The following CASK variants were observed in gnomAD, a reference collection of about 807,000 sequenced individuals.
CASK encodes the protein calcium/calmodulin dependent serine protein kinase.
Under a neutral mutation model 82.9 loss-of-function variants are expected in CASK, and 4 were observed. That is an observed-to-expected ratio of 0.05 (90% CI 0.02 to 0.11). The LOEUF is 0.11. CASK is among the 10% of genes least tolerant of loss of function. CASK has a pLI of 1.00. For synonymous variants in CASK, 259 were observed against 253.5 expected (o/e 1.02, Z -0.20); for missense variants, 358 against 720.9 (o/e 0.50, Z 5.76).
chrX:41,641,274 G>A (rs2066648365), intron 8 of CASK, among the ~76,000 whole-genome samples: 1 of 111,624 alleles, frequency 9.0e-6, no homozygotes, highest in Admixed American at 9.6e-5. Flanking sequence ...AAATTCAATA[G>A]TAATGTGCCT....
intron 2 of CASK, among the ~76,000 whole-genome samples, chrX:41,796,132 T>C (rs2069847368): frequency 8.9e-6 from 1 of 112,239 alleles, no homozygotes; most frequent in Non-Finnish European, 1.9e-5. Context: ...TAACACATTC[T>C]GCTGGCAGGC....
chrX:41,822,047 T>C (rs2070555067), intron 2 of CASK, among the ~76,000 whole-genome samples: 1 of 112,070 alleles, frequency 8.9e-6, no homozygotes, highest in Non-Finnish European at 1.9e-5. Flanking sequence ...CACTAAGTTT[T>C]GGGGTAATTT....
intron 1 of CASK, among the ~76,000 whole-genome samples, chrX:41,870,040 G>C (rs1277341853): frequency 9.2e-6 from 1 of 109,158 alleles, no homozygotes; most frequent in Admixed American, 9.9e-5. Flanking sequence ...CAGCAGGAGA[G>C]GAAAGAGAGA....
intron 1 of CASK, among the ~76,000 whole-genome samples, chrX:41,867,890 G>A (rs748917597): frequency 8.9e-6 from 1 of 112,146 alleles, no homozygotes; most frequent in East Asian, 2.8e-4. Flanking sequence ...CAGTTTGTAT[G>A]ATCTGGCAAG....
chrX:41,683,365 T>C (rs918393771), intron 5 of CASK: 22 of 112,082 alleles, frequency 2.0e-4, no homozygotes, highest in African/African-American at 7.1e-4. Flanking sequence ...GGACACCTGA[T>C]TGGCATAATG....
At chrX:41,524,989 G>A (rs781385578) in intron 25 of CASK, among the ~76,000 whole-genome samples, 4 of 111,521 alleles carry the variant, frequency 3.6e-5, no homozygotes, top group Non-Finnish European at 7.5e-5. Flanking sequence ...CACATATTTT[G>A]CTCTCTAAAT....
intron 2 of CASK, among the ~76,000 whole-genome samples, chrX:41,829,619 TTG>T (rs1491116568): frequency 9.7e-5 from 2 of 20,694 alleles, no homozygotes; most frequent in Admixed American, 5.4e-4. Context: ...TTTTTTTTTT[TTG>T]GGGGGGTGGG....
intron 7 of CASK, among the ~76,000 whole-genome samples, chrX:41,660,828 T>C (rs1458786129): frequency 1.8e-5 from 2 of 112,340 alleles, no homozygotes; most frequent in African/African-American, 3.2e-5. Context: ...AAGACTAGAA[T>C]GTTCATTATT....
intron 2 of CASK, among the ~76,000 whole-genome samples, chrX:41,796,413 C>T (rs759993942): frequency 8.9e-5 from 10 of 111,904 alleles, no homozygotes; most frequent in African/African-American, 3.2e-4. Context: ...TCAATCAAAC[C>T]GAGTTTGACA....
At chrX:41,863,960 T>A (rs917680898) in intron 1 of CASK, among the ~76,000 whole-genome samples, 2 of 111,839 alleles carry the variant, frequency 1.8e-5, no homozygotes, top group African/African-American at 6.5e-5. Context: ...TGCTACATTA[T>A]CCTATAATAG....
In CASK at chrX:41,586,970, T is replaced by C. The variant is rs1324872042; in HGVS notation, c.1251A>G (p.Ser417=). Residue 417 remains serine (S), a synonymous_variant, in exon 14 of 27, where the codon TCA becomes TCG. Transcript: ENST00000378163. ...QRAKEVLEEI[S]CYPENNDAKE... is the part of the protein sequence containing the mutation. ...TTGCGTCGTTATTCTCAGGGTAACATGAAATTTCTTCCAATACCTAAAAAA... is the reference window on the plus strand; with the variant it reads ...TTGCGTCGTTATTCTCAGGGTAACACGAAATTTCTTCCAATACCTAAAAAA... The C allele has an allele frequency of 8.7e-7, 1 of 1,148,292 alleles. No homozygotes were observed. 94.6% of individuals were successfully genotyped at this position (1,148,292 alleles called of 1,213,427 possible).
chrX:41,639,773 TCTA>T (rs376660643), intron 8 of CASK, among the ~76,000 whole-genome samples: 14 of 111,908 alleles, frequency 1.3e-4, no homozygotes, highest in African/African-American at 4.5e-4. Context: ...CAGCCACTGA[TCTA>T]CTTTCTGTCA....
In CASK at chrX:41,530,384, G is replaced by A. The variant is rs182700600; in HGVS notation, c.2520+623C>T. ...AACCATTTCATCATCTCTGTGTCTG[G>A]CTCTCTTTTGAGTCCTCTTCCAAGT... On this transcript the variant is annotated intron_variant, in intron 25 of 26. Transcript: ENST00000378163. Among the ~76,000 whole-genome samples the A allele has an allele frequency of 4.3e-3, 478 of 112,085 alleles. 1 individual carries two copies. Among genetic ancestry groups the A allele is most frequent in the Non-Finnish European group, 6.9e-3 (366 of 53,191 alleles).
intron 4 of CASK, among the ~76,000 whole-genome samples, chrX:41,744,639 C>T (rs1459850361): frequency 6.3e-5 from 7 of 111,457 alleles, no homozygotes; most frequent in Admixed American, 9.5e-5. Flanking sequence ...CCACCGCGCC[C>T]GGCCCATATT....
intron 2 of CASK, among the ~76,000 whole-genome samples, chrX:41,812,541 C>T (rs1338514880): frequency 1.8e-5 from 2 of 111,334 alleles, no homozygotes; most frequent in African/African-American, 3.3e-5. Flanking sequence ...AATTCAACAG[C>T]CCTTCATGCT....
chrX:41,717,165 C>G (rs1488615240), intron 5 of CASK, among the ~76,000 whole-genome samples: 1 of 111,755 alleles, frequency 8.9e-6, no homozygotes, highest in African/African-American at 3.3e-5. Flanking sequence ...CCAATGGAGA[C>G]AGGACACAGT....
intron 8 of CASK, among the ~76,000 whole-genome samples, chrX:41,657,209 A>G (rs956738559): frequency 1.8e-5 from 2 of 112,738 alleles, no homozygotes; most frequent in African/African-American, 6.4e-5. Context: ...AGCTGAGAGT[A>G]AAGGAATAAA....
At chrX:41,757,003 A>G (rs2068907226) in intron 3 of CASK, among the ~76,000 whole-genome samples, 1 of 112,015 alleles carries the variant, frequency 8.9e-6, no homozygotes, top group Non-Finnish European at 1.9e-5. Context: ...CATATGTGAA[A>G]TCCATTTTCA....
intron 14 of CASK, among the ~76,000 whole-genome samples, chrX:41,583,022 T>C (rs764790676): frequency 8.9e-6 from 1 of 112,165 alleles, no homozygotes; most frequent in Non-Finnish European, 1.9e-5. Flanking sequence ...TTGTTTGTCT[T>C]ATTCATTACT....
Sources: gnomAD v4.1 joint callset for allele counts (sites outside exome capture counted in the v4.1 genomes callset) on GRCh38, gnomAD v4.1.1 for gene constraint, MANE v1.5 for transcripts, NCBI Gene and HGNC (gene_info 2026-07-23, HGNC 2026-07-21) for gene names.